Variants in SLC9C2 observed in about 807,000 individuals in gnomAD.
SLC9C2 encodes the protein sodium/hydrogen exchanger 11.
SLC9C2 carries 75 observed loss-of-function variants against 140.2 expected under a neutral mutation model. That is an observed-to-expected ratio of 0.53 (90% CI 0.44 to 0.65). The LOEUF (loss-of-function observed/expected upper bound fraction) is 0.65, where lower values mean the gene tolerates loss of function less well. SLC9C2 is among the 30% of genes least tolerant of loss of function. SLC9C2 has a pLI of 0.00. For missense variants in SLC9C2, 1,074 were observed against 1,331.8 expected (o/e 0.81, Z 3.01); for synonymous variants, 375 against 420.9 (o/e 0.89, Z 1.34).
rs539668279 is a variant in SLC9C2, at chr1:173,509,513, A to T, written c.3039+55T>A. On this transcript the variant is annotated intron_variant, in intron 24 of 27. Transcript: ENST00000367714. Reference sequence around the variant, plus strand: ...CTCAAAAATATGAAATGCATTTTGTAAAAAATACAATGCATAAAAATTCAA... The same window carrying T: ...CTCAAAAATATGAAATGCATTTTGTTAAAAATACAATGCATAAAAATTCAA... 2,123 of 1,408,948 alleles carry T rather than the reference A, an allele frequency of 1.5e-3. 3 individuals are homozygous for T. The highest frequency in any genetic ancestry group is 1.8e-3 in the Non-Finnish European group (1,921 of 1,058,322). The allele number at this position is 1,408,948 out of a possible 1,614,324, so 87.3% of individuals were successfully genotyped here.
chr1:173,581,658 C>T (rs1331297707), intron 7 of SLC9C2, among the ~76,000 whole-genome samples, 189 bp downstream of exon 7: 1 of 151,452 alleles, frequency 6.6e-6, no homozygotes, highest in Non-Finnish European at 1.5e-5. Flanking sequence ...GGAAATTGGA[C>T]ATGGAGTTGA....
intron 24 of SLC9C2, among the ~76,000 whole-genome samples, chr1:173,508,477 C>T (rs1421073497): frequency 6.6e-6 from 1 of 152,038 alleles, no homozygotes; most frequent in Non-Finnish European, 1.5e-5. Context: ...ATTCTCACCC[C>T]TGAAGTTTCA....
chr1:173,513,431 A>AT (rs1344224461), intron 23 of SLC9C2, among the ~76,000 whole-genome samples: 2 of 151,534 alleles, frequency 1.3e-5, no homozygotes, highest in Non-Finnish European at 2.9e-5. Flanking sequence ...TTTCTTTTAG[A>AT]TTTTCTAGTT....
At position 173,548,518 on chromosome 1, in the gene SLC9C2, G is replaced by A. The variant is rs1262162995; in HGVS notation, c.1332C>T (p.Ile444=). 6.2e-7 allele frequency: 1 copy of A among 1,613,592 alleles called. No individual in the cohort carries two copies. The highest frequency in any genetic ancestry group is 8.5e-7 in the Non-Finnish European group (1 of 1,179,768). ...GTATGTGCTGAGTGGCATTTTGCAA[G>A]ATCATTTGTCTTGGGAGGGAAAGAA... is the stretch of plus-strand genomic sequence containing the variant. ...LCVLSLPRQM[I]LQNATQHIQE... Residue 444 remains isoleucine (I), a synonymous_variant, in exon 12 of 28, where the codon ATC becomes ATT. Coordinates refer to ENST00000367714, the MANE Select transcript of SLC9C2 (RefSeq NM_178527.4).
chr1:173,544,068 C>T (rs1016388196), intron 13 of SLC9C2, among the ~76,000 whole-genome samples: 70 of 152,246 alleles, frequency 4.6e-4, no homozygotes, highest in Non-Finnish European at 5.1e-4. Flanking sequence ...AGTGAACAGG[C>T]AACCTACAGA....
At chr1:173,551,678 C>G (rs1377285708) in intron 11 of SLC9C2, among the ~76,000 whole-genome samples, 2 of 152,130 alleles carry the variant, frequency 1.3e-5, no homozygotes, top group Non-Finnish European at 2.9e-5. Flanking sequence ...CCACATAGGA[C>G]AACAATCAGT....
At chr1:173,593,415 G>A (rs1040129389) in intron 4 of SLC9C2, among the ~76,000 whole-genome samples, 21 of 152,140 alleles carry the variant, frequency 1.4e-4, no homozygotes, top group Non-Finnish European at 1.5e-4. Flanking sequence ...AGCTACTAAG[G>A]AGGCTGAGGC....
rs935710558 is a variant in SLC9C2 at position 173,509,613 on chromosome 1, A to T, written c.2994T>A (p.Ala998=). 5.0e-6 allele frequency: 8 copies of T among 1,597,862 alleles called. No individual in the cohort carries two copies. Among genetic ancestry groups the T allele is most frequent in the Non-Finnish European group, 6.8e-6 (8 of 1,175,060 alleles). ...SLEYKIWLKL[A]LSTAYQYFES... ...CAAAATACTGATAGGCAGTACTGAG[A>T]GCAAGCTTTAGCCATATTTTATATT... Residue 998 remains alanine (A), a synonymous_variant, in exon 24 of 28, where the codon GCT becomes GCA. Coordinates refer to ENST00000367714, the MANE Select transcript of SLC9C2 (RefSeq NM_178527.4).
chr1:173,527,551 TTCAA>T, intron 18 of SLC9C2, among the ~76,000 whole-genome samples: 3 of 152,314 alleles, frequency 2.0e-5, no homozygotes, highest in Admixed American at 2.0e-4. Context: ...CCAATCTCTG[TTCAA>T]TCAATCATAC....
In SLC9C2 at chr1:173,509,599, TA is replaced by T. The variant is rs1558012633; in HGVS notation, c.3007del (p.Tyr1003IlefsTer13). On this transcript the variant is annotated frameshift_variant, in exon 24 of 28. Transcript: ENST00000367714. LOFTEE classifies it high-confidence loss of function. ...IWLKLALSTA[Y>X]QYFESSLIDE... ...AATAAGACTTGATTCAAAATACTGA[TA>T]GGCAGTACTGAGAGCAAGCTTTAGC... The T allele has an allele frequency of 6.3e-7, 1 of 1,586,722 alleles. No homozygotes were observed. The highest frequency in any genetic ancestry group is 8.5e-7 in the Non-Finnish European group (1 of 1,170,072).
chr1:173,549,384 A>C (rs1232816546), intron 11 of SLC9C2, among the ~76,000 whole-genome samples: 9 of 152,256 alleles, frequency 5.9e-5, no homozygotes, highest in Non-Finnish European at 1.3e-4. Context: ...GCAAAGAGGC[A>C]TCTGACTGCC....
At chr1:173,559,059 G>A (rs1558065851) in intron 9 of SLC9C2, among the ~76,000 whole-genome samples, 1 of 152,190 alleles carries the variant, frequency 6.6e-6, no homozygotes, top group Non-Finnish European at 1.5e-5. Context: ...TAATGGATGT[G>A]TACCTGAGTC....
chr1:173,597,049 A>C (rs914936889), intron 4 of SLC9C2, among the ~76,000 whole-genome samples: 5 of 152,050 alleles, frequency 3.3e-5, no homozygotes, highest in African/African-American at 1.2e-4. Flanking sequence ...ACTTCATAAT[A>C]AAACAATCTA....
chr1:173,567,614 T>C lies in SLC9C2; in HGVS notation c.1046+5568A>G, dbSNP rs371256462. ...GGTCTTGTTTTTTATTATTAATTCA[T>C]CCACTCTGTCTTTTGATTGGAGAGT... On this transcript the variant is annotated intron_variant, in intron 9 of 27. Coordinates refer to ENST00000367714, the MANE Select transcript of SLC9C2 (RefSeq NM_178527.4). Among the ~76,000 whole-genome samples the C allele has an allele frequency of 5.3e-5, 8 of 152,208 alleles. No individual in the cohort carries two copies. In the South Asian group the frequency reaches 8.3e-4, roughly 16 times the overall value.
At chr1:173,537,431 G>A (rs774853019) in intron 13 of SLC9C2, among the ~76,000 whole-genome samples, 36 of 151,920 alleles carry the variant, frequency 2.4e-4, no homozygotes, top group Non-Finnish European at 4.4e-4. Flanking sequence ...GCATGATGGC[G>A]CATGCTTGTA....
rs139214470 is a variant in SLC9C2 at position 173,546,772 on chromosome 1, T to C, written c.1557+917A>G. 1.8e-3 allele frequency among the ~76,000 whole-genome samples: 271 copies of C among 152,266 alleles called. 1 individual carries two copies. Among genetic ancestry groups the C allele is most frequent in the African/African-American group, 6.0e-3 (249 of 41,548 alleles). On this transcript the variant is annotated intron_variant, in intron 13 of 27. Coordinates refer to ENST00000367714, the MANE Select transcript of SLC9C2 (RefSeq NM_178527.4). Reference sequence around the variant, plus strand: ...AATATTTATCACATTTCTGAGACAATTGGAAATCTTACCACTGAGTCGACA... The same window carrying C: ...AATATTTATCACATTTCTGAGACAACTGGAAATCTTACCACTGAGTCGACA...
At chr1:173,581,199 T>C (rs1337489068) in intron 7 of SLC9C2, among the ~76,000 whole-genome samples, 3 of 152,144 alleles carry the variant, frequency 2.0e-5, no homozygotes, top group Admixed American at 1.3e-4. Flanking sequence ...AGAGCAAAAG[T>C]GGAATTTGAC....
At chr1:173,516,154 A>T (rs763197566) in intron 23 of SLC9C2, among the ~76,000 whole-genome samples, 1 of 152,176 alleles carries the variant, frequency 6.6e-6, no homozygotes, top group Non-Finnish European at 1.5e-5. Context: ...TGGCACAGGG[A>T]GCAGGACCCA....
At chr1:173,533,892 T>A in intron 16 of SLC9C2, 95 bp from the exon 17 acceptor site, 3 of 1,327,916 alleles carry the variant, frequency 2.3e-6, no homozygotes, top group Non-Finnish European at 3.0e-6. Context: ...TAACTACAAA[T>A]GAGTTATATT....
Sources: gnomAD v4.1 joint callset for allele counts (sites outside exome capture counted in the v4.1 genomes callset) on GRCh38, gnomAD v4.1.1 for gene constraint, MANE v1.5 for transcripts, NCBI Gene and HGNC (gene_info 2026-07-23, HGNC 2026-07-21) for gene names.